AZI2: variants seen among roughly 807,000 people sequenced by gnomAD.
The protein encoded by AZI2 is 5-azacytidine induced 2.
AZI2 carries 22 observed loss-of-function variants against 45.8 expected under a neutral mutation model. That is an observed-to-expected ratio of 0.48 (90% CI 0.34 to 0.69). AZI2 has a LOEUF of 0.69. Among genes scored for constraint, AZI2 ranks in the 30% least tolerant of loss-of-function variants. The pLI is 0.01. For synonymous variants in AZI2, 137 were observed against 156.7 expected (o/e 0.87, Z 0.94); for missense variants, 417 against 441.5 (o/e 0.94, Z 0.50).
At chr3:28,326,519 TAG>T in intron 7 of AZI2, 1 of 192,520 alleles carries the variant, frequency 5.2e-6, no homozygotes. Context: ...ATATATGAAG[TAG>T]CTGTGGTAAA....
intron 6 of AZI2, among the ~76,000 whole-genome samples, chr3:28,329,388 A>C (rs1183906768): frequency 3.3e-5 from 5 of 151,084 alleles, no homozygotes; most frequent in African/African-American, 9.7e-5. Context: ...TCAATTACCA[A>C]GCACCTACAA....
chr3:28,340,485 A>G lies in AZI2; in HGVS notation c.133T>C (p.Tyr45His), dbSNP rs927926521. Residue 45 changes from tyrosine to histidine, a missense_variant, in exon 2 of 8, where the codon TAT (tyrosine) becomes CAT (histidine). Transcript: ENST00000479665. ...TTAAGTCGTTTTTTGATGTCTTCAT[A>G]TGCAGTGACAAGAGCAAAATGGGAA... ...VASHFALVTA[Y>H]EDIKKRLKDS... 1 of 1,613,100 alleles carries G rather than the reference A, an allele frequency of 6.2e-7. No individual in the cohort carries two copies.
intron 6 of AZI2, among the ~76,000 whole-genome samples, chr3:28,327,992 A>C (rs1577121698): frequency 6.7e-6 from 1 of 150,280 alleles, no homozygotes; most frequent in African/African-American, 2.4e-5. Context: ...CATTTTTGAA[A>C]TCTAATATCT....
chr3:28,332,230 G>C (rs1182716196), intron 6 of AZI2, 139 bp downstream of exon 6: 6 of 691,552 alleles, frequency 8.7e-6, no homozygotes, highest in Non-Finnish European at 1.4e-5. Context: ...AATTTATTGT[G>C]ATCAGAGGTT....
intron 1 of AZI2, chr3:28,348,136 T>C (rs1704335083): frequency 1.3e-5 from 2 of 152,218 alleles, no homozygotes; most frequent in South Asian, 4.1e-4. Context: ...GTATACAGGT[T>C]AGACATTGGA....
At chr3:28,328,354 T>TACTC (rs929507598) in intron 6 of AZI2, among the ~76,000 whole-genome samples, 1 of 151,134 alleles carries the variant, frequency 6.6e-6, no homozygotes, top group Non-Finnish European at 1.5e-5. Context: ...TCCGAAGAGT[T>TACTC]ACTCACATTA....
intron 6 of AZI2, among the ~76,000 whole-genome samples, chr3:28,328,843 T>A (rs1383214677): frequency 6.6e-6 from 1 of 151,298 alleles, no homozygotes; most frequent in Non-Finnish European, 1.5e-5. Flanking sequence ...AAAATTATTT[T>A]AAATTCTATC....
chr3:28,326,696 G>A (rs1400151427), intron 7 of AZI2, 136 bp downstream of exon 7: 3 of 763,068 alleles, frequency 3.9e-6, no homozygotes, highest in Non-Finnish European at 7.2e-6. Flanking sequence ...AGCAGAGAAT[G>A]GGTAGGCTGC....
intron 5 of AZI2, among the ~76,000 whole-genome samples, chr3:28,335,803 G>C (rs1703767633): frequency 6.6e-6 from 1 of 152,018 alleles, no homozygotes; most frequent in South Asian, 2.1e-4. Flanking sequence ...TGGCATCCCA[G>C]AGGAACAAGA....
At chr3:28,326,988 ATTC>A in intron 6 of AZI2, 38 bp from the exon 7 acceptor site, 1 of 1,374,120 alleles carries the variant, frequency 7.3e-7, no homozygotes, top group Non-Finnish European at 1.0e-6. Context: ...AATACTCATC[ATTC>A]TTTTTTAGAC....
intron 1 of AZI2, 56 bp from the exon 2 acceptor site, chr3:28,340,678 GAAA>G: frequency 1.5e-6 from 2 of 1,334,024 alleles, no homozygotes; most frequent in Non-Finnish European, 2.1e-6. Context: ...AAGTGAAAAG[GAAA>G]AAAAGTTATA....
intron 1 of AZI2, 147 bp from the exon 2 acceptor site, chr3:28,340,769 T>C (rs749802597): frequency 4.6e-5 from 29 of 624,382 alleles, no homozygotes; most frequent in Admixed American, 1.4e-4. Context: ...TACCATTTAG[T>C]GTCTGACTTT....
chr3:28,331,628 C>T, intron 6 of AZI2: 1 of 1,173,896 alleles, frequency 8.5e-7, no homozygotes, highest in Non-Finnish European at 1.1e-6. Context: ...ATTGGCCTGA[C>T]ACAATTCACA....
At chr3:28,337,111 CTAAAA>C in intron 4 of AZI2, 1 of 465,334 alleles carries the variant, frequency 2.1e-6, no homozygotes, top group Non-Finnish European at 3.8e-6. Context: ...GACAACTACA[CTAAAA>C]TAAGCATATG....
intron 7 of AZI2, among the ~76,000 whole-genome samples, chr3:28,325,458 A>G (rs1054753662): frequency 3.3e-5 from 5 of 151,056 alleles, no homozygotes; most frequent in African/African-American, 7.3e-5. Context: ...AAAAGGTGAT[A>G]CAAAGGTCAG....
rs1214363730 is a variant in AZI2 at position 28,323,140 on chromosome 3, T to A, written c.*902A>T. On this transcript the variant is annotated 3_prime_UTR_variant, in exon 8 of 8. Transcript: ENST00000479665. Reference sequence around the variant, plus strand: ...TAGAATATTACATTTCAACACAAAGTCTAACAATTTAGAAGCTGCTCTACA... The same window carrying A: ...TAGAATATTACATTTCAACACAAAGACTAACAATTTAGAAGCTGCTCTACA... The A allele has an allele frequency of 6.6e-6, 1 of 151,082 alleles. No homozygotes were observed. The highest frequency in any genetic ancestry group is 1.9e-4 in the East Asian group (1 of 5,144). The allele number at this position is 151,082 out of a possible 1,614,324, so 9.4% of individuals were successfully genotyped here.
Position 28,321,716 on chromosome 3 carries a change from A to G in AZI2, c.*2326T>C, listed in dbSNP as rs2125626668. On this transcript the variant is annotated 3_prime_UTR_variant, in exon 8 of 8. Coordinates refer to ENST00000479665, the MANE Select transcript of AZI2 (RefSeq NM_022461.5). ...CAGCTCTTCAAGTCTGAATTTTCCC[A>G]TTTATTTTGGTTTTCTAATGTTTCA... 6.6e-6 allele frequency: 1 copy of G among 151,284 alleles called. No homozygotes were observed. Among genetic ancestry groups the G allele is most frequent in the South Asian group, 2.1e-4 (1 of 4,828 alleles). The allele number at this position is 151,284 out of a possible 1,614,324, so 9.4% of individuals were successfully genotyped here.
intron 6 of AZI2, chr3:28,331,615 GA>G: frequency 1.8e-6 from 2 of 1,123,140 alleles, no homozygotes; most frequent in Non-Finnish European, 2.2e-6. Context: ...GTTTTTGATA[GA>G]AATTGGCCTG....
rs1203591176 is a variant in AZI2 at position 28,331,814 on chromosome 3, G to A, written c.647+555C>T. 9 of 1,536,616 alleles carry A rather than the reference G, an allele frequency of 5.9e-6. No individual in the cohort carries two copies. In the East Asian group the frequency reaches 7.4e-5, roughly 13 times the overall value. ...GAAGTTACTTAAGTAAAAATGATAC[G>A]TATTTGAGGAAAAAGGGTTGAAAAA... On this transcript the variant is annotated intron_variant, in intron 6 of 7. Coordinates refer to ENST00000479665, the MANE Select transcript of AZI2 (RefSeq NM_022461.5).
Sources: gnomAD v4.1 joint callset for allele counts (sites outside exome capture counted in the v4.1 genomes callset) on GRCh38, gnomAD v4.1.1 for gene constraint, MANE v1.5 for transcripts, NCBI Gene and HGNC (gene_info 2026-07-23, HGNC 2026-07-21) for gene names.